The following TANC2 variants were observed in gnomAD, a reference collection of about 807,000 sequenced individuals.
The protein encoded by TANC2 is protein TANC2.
TANC2 carries 26 observed loss-of-function variants against 210.5 expected under a neutral mutation model. The observed-to-expected ratio is 0.12, with a 90% CI of 0.09 to 0.17. The LOEUF (loss-of-function observed/expected upper bound fraction) is 0.17, where lower values mean the gene tolerates loss of function less well. Ranked by LOEUF, TANC2 falls within the 10% of genes least tolerant of loss-of-function variation. TANC2 has a pLI of 1.00. For synonymous variants in TANC2, 931 were observed against 967.1 expected, an observed-to-expected ratio of 0.96 and a Z score of 0.69; for missense variants, 2,129 against 2,608.9, an observed-to-expected ratio of 0.82 and a Z score of 4.01.
intron 8 of TANC2, among the ~76,000 whole-genome samples, chr17:63,259,415 C>A (rs2043293369): frequency 6.6e-6 from 1 of 152,046 alleles, no homozygotes; most frequent in Non-Finnish European, 1.5e-5. Flanking sequence ...ATTTTTGGGT[C>A]TTATGAAGGT....
intron 1 of TANC2, among the ~76,000 whole-genome samples, chr17:62,998,208 A>G (rs945009358): frequency 6.6e-6 from 1 of 152,218 alleles, no homozygotes; most frequent in Non-Finnish European, 1.5e-5. Flanking sequence ...TAACTCAGAC[A>G]AAAATAAAGA....
At chr17:63,263,721 T>C (rs1461621896) in intron 8 of TANC2, among the ~76,000 whole-genome samples, 1 of 152,336 alleles carries the variant, frequency 6.6e-6, no homozygotes, top group East Asian at 1.9e-4. Flanking sequence ...AACCATACTT[T>C]ACCCAAACAG....
intron 11 of TANC2, among the ~76,000 whole-genome samples, chr17:63,336,497 T>C (rs2046032948): frequency 1.3e-5 from 2 of 152,200 alleles, no homozygotes; most frequent in South Asian, 4.1e-4. Context: ...TATGACTAGT[T>C]TTATCATTTT....
intron 9 of TANC2, among the ~76,000 whole-genome samples, chr17:63,312,935 C>G (rs2045178750): frequency 6.6e-6 from 1 of 151,982 alleles, no homozygotes; most frequent in African/African-American, 2.4e-5. Flanking sequence ...AAATTTTAGC[C>G]TTTTTTAAAT....
Position 63,421,592 on chromosome 17 carries a change from G to A in TANC2, c.5862G>A (p.Val1954=). Residue 1954 remains valine (V), a synonymous_variant, in exon 28 of 28, where the codon GTG becomes GTA. Transcript: ENST00000689528. This position sits in a 1 kb window ranked among gnomAD's most constrained non-coding sequence, Gnocchi z 6.9. The stretch of plus-strand genomic sequence containing the variant: ...ACCAGCAGAATCGGACCTGGGCAGT[G>A]TCATCTGTGGACACCGTCCTCAGTC... The A allele has an allele frequency of 6.2e-7, 1 of 1,613,990 alleles. No individual in the cohort carries two copies. Among genetic ancestry groups the A allele is most frequent in the Non-Finnish European group, 8.5e-7 (1 of 1,179,858 alleles).
intron 11 of TANC2, among the ~76,000 whole-genome samples, chr17:63,326,399 G>C (rs1030312871): frequency 3.9e-5 from 6 of 152,140 alleles, no homozygotes; most frequent in Non-Finnish European, 7.4e-5. Flanking sequence ...ATTTAAAAAT[G>C]AAACCATGCA....
chr17:63,074,046 C>T, intron 3 of TANC2, 32 bp downstream of exon 3: 1 of 1,514,788 alleles, frequency 6.6e-7, no homozygotes, highest in Non-Finnish European at 8.9e-7. Flanking sequence ...TATTAAATTT[C>T]AAAAAATAAC....
At chr17:63,401,108 A>G (rs376419832) in intron 19 of TANC2, among the ~76,000 whole-genome samples, 1 of 152,228 alleles carries the variant, frequency 6.6e-6, no homozygotes. Flanking sequence ...TTAAACATAC[A>G]TGTGCCTTTC....
chr17:63,388,971 T>C (rs2047874370), intron 16 of TANC2, among the ~76,000 whole-genome samples: 1 of 152,206 alleles, frequency 6.6e-6, no homozygotes, highest in Non-Finnish European at 1.5e-5. Flanking sequence ...GACTCTGACA[T>C]ATGGGATCAG....
At position 63,379,706 on chromosome 17, in the gene TANC2, C is replaced by A; in HGVS notation, c.2583-12C>A. 1.3e-6 allele frequency: 2 copies of A among 1,567,898 alleles called. No homozygotes were observed. Among genetic ancestry groups the A allele is most frequent in the South Asian group, 1.2e-5 (1 of 83,704 alleles). On this transcript the variant is annotated splice_polypyrimidine_tract_variant and intron_variant, in intron 14 of 27. Coordinates refer to ENST00000689528, the Ensembl canonical transcript of TANC2. The stretch of plus-strand genomic sequence containing the variant: ...AATTAATTAATTAAAATGAATTTCT[C>A]TTTTTTTGCAGGAGTGGTCACACGT...
chr17:63,216,850 A>T (rs1225262089), intron 7 of TANC2, among the ~76,000 whole-genome samples: 1 of 152,198 alleles, frequency 6.6e-6, no homozygotes, highest in Non-Finnish European at 1.5e-5. Context: ...AAGTCTCAAT[A>T]AACTTAAGTG....
At chr17:63,095,182 T>G (rs891457695) in intron 3 of TANC2, among the ~76,000 whole-genome samples, 30 of 152,006 alleles carry the variant, frequency 2.0e-4, no homozygotes, top group Non-Finnish European at 3.8e-4. Flanking sequence ...TTCTTTGTTG[T>G]TTTTTTCAGT....
intron 2 of TANC2, among the ~76,000 whole-genome samples, chr17:63,064,429 G>A (rs1005319576): frequency 3.3e-5 from 5 of 152,218 alleles, no homozygotes; most frequent in South Asian, 4.2e-4. Context: ...ACTGTATTCC[G>A]TTGTGGGTGA....
intron 1 of TANC2, among the ~76,000 whole-genome samples, chr17:63,006,583 A>G (rs766221822): frequency 2.0e-5 from 3 of 152,170 alleles, no homozygotes; most frequent in Admixed American, 1.3e-4. Context: ...GATTAAAAAA[A>G]TATTTACTTC....
intron 3 of TANC2, among the ~76,000 whole-genome samples, chr17:63,091,691 C>T (rs915948591): frequency 2.6e-5 from 4 of 152,152 alleles, no homozygotes; most frequent in African/African-American, 4.8e-5. Context: ...CTTAGAAATG[C>T]GGGCCCCTTT....
rs759788253 is a variant in TANC2 at position 63,420,216 on chromosome 17, G to A, written c.4486G>A (p.Glu1496Lys). The A allele has an allele frequency of 3.0e-5, 48 of 1,609,758 alleles. No individual in the cohort carries two copies. Among genetic ancestry groups the A allele is most frequent in the South Asian group, 1.4e-4 (13 of 90,370 alleles). Residue 1496 changes from glutamate to lysine, a missense_variant, in exon 28 of 28, where the codon GAG becomes AAG. Glu to Lys is a moderately conservative substitution (Grantham distance 56). Transcript: ENST00000689528. This position sits in a 1 kb window ranked among gnomAD's most constrained non-coding sequence, Gnocchi z 4.2. ...CATATACTCTGTACAGGATATATTC[G>A]AGGAGGAGTACCTGGAACAGGATGT...
intron 7 of TANC2, among the ~76,000 whole-genome samples, chr17:63,229,930 A>G (rs1479410258): frequency 6.6e-6 from 1 of 151,984 alleles, no homozygotes; most frequent in African/African-American, 2.4e-5. Flanking sequence ...AGTAGCTGGG[A>G]TTACAGGTGT....
chr17:63,172,193 C>CTT (rs549414417), intron 5 of TANC2, among the ~76,000 whole-genome samples: 6 of 131,030 alleles, frequency 4.6e-5, no homozygotes, highest in African/African-American at 1.1e-4. Context: ...CTTTTCTTTT[C>CTT]TTTTTTTTTT....
rs1216705998 is a variant in TANC2, at chr17:63,120,424, T to C, written c.322+21067T>C. On this transcript the variant is annotated intron_variant, in intron 4 of 27. Transcript: ENST00000689528. ...GTTGCAGATTTAACTGGCAGAGTTC[T>C]ATGAAAAAAATAAGACTTAATACTT... Among the ~76,000 whole-genome samples, 40 of 152,140 alleles carry C rather than the reference T, an allele frequency of 2.6e-4. 1 individual carries two copies. The highest frequency in any genetic ancestry group is 2.6e-3 in the Admixed American group (40 of 15,274).
Sources: gnomAD v4.1 joint callset for allele counts (sites outside exome capture counted in the v4.1 genomes callset) on GRCh38, gnomAD v4.1.1 for gene constraint, Gnocchi (gnomAD v3.1) non-coding constraint, MANE v1.5 for transcripts, NCBI Gene and HGNC (gene_info 2026-07-23, HGNC 2026-07-21) for gene names.